USH2A: variants seen among roughly 807,000 people sequenced by gnomAD.
The protein encoded by USH2A is usherin.
USH2A carries 443 observed loss-of-function variants against 538.9 expected under a neutral mutation model. The ratio of observed to expected loss-of-function variants is 0.82; its 90% CI spans 0.76 to 0.89. USH2A has a LOEUF of 0.89. Ranked by LOEUF, USH2A falls within the 40% of genes least tolerant of loss-of-function variation. The pLI, the probability that USH2A is intolerant of heterozygous loss-of-function variation, is 0.00. For missense variants in USH2A, 6,633 were observed against 6,324.8 expected (o/e 1.05, Z -1.65); for synonymous variants, 2,413 against 2,273.5 (o/e 1.06, Z -1.75).
At chr1:215,823,889 C>G (rs550435250) in intron 47 of USH2A, among the ~76,000 whole-genome samples, 27 of 151,950 alleles carry the variant, frequency 1.8e-4, no homozygotes, top group South Asian at 1.5e-3. Context: ...ATTTCTTGAA[C>G]CATTTTAATC....
intron 47 of USH2A, among the ~76,000 whole-genome samples, chr1:215,837,436 ATTG>A (rs1467176444): frequency 6.6e-6 from 1 of 152,122 alleles, no homozygotes; most frequent in East Asian, 1.9e-4. Context: ...TATTATTATT[ATTG>A]TTGTTGTTAC....
chr1:216,093,223 A>G (rs1011486206), intron 22 of USH2A, among the ~76,000 whole-genome samples: 1 of 151,998 alleles, frequency 6.6e-6, no homozygotes, highest in Admixed American at 6.6e-5. Context: ...TCAGCCTCCC[A>G]AAGTGCTAGG....
chr1:215,737,804 A>C (rs1437322428), intron 60 of USH2A, among the ~76,000 whole-genome samples: 1 of 152,038 alleles, frequency 6.6e-6, no homozygotes, highest in African/African-American at 2.4e-5. Flanking sequence ...TAATTCAATC[A>C]GCTTAATTAT....
At chr1:216,008,859 C>G (rs1668473409) in intron 32 of USH2A, among the ~76,000 whole-genome samples, 1 of 152,164 alleles carries the variant, frequency 6.6e-6, no homozygotes, top group South Asian at 2.1e-4. Context: ...ACCCAAAACT[C>G]TGGCGCCAGT....
intron 30 of USH2A, among the ~76,000 whole-genome samples, chr1:216,058,495 A>T (rs574624888): frequency 6.7e-6 from 1 of 148,962 alleles, no homozygotes; most frequent in East Asian, 1.9e-4. Context: ...AATTATCAGC[A>T]TTGCAGCAGT....
intron 12 of USH2A, among the ~76,000 whole-genome samples, chr1:216,247,993 C>T (rs566288337): frequency 2.0e-5 from 3 of 152,236 alleles, no homozygotes; most frequent in African/African-American, 7.2e-5. Flanking sequence ...TCTGAATCCA[C>T]ACATTTAAGT....
chr1:215,624,296 T>C lies in USH2A; in HGVS notation c.*1485A>G, dbSNP rs1224437561. 1 of 152,172 alleles carries C rather than the reference T, an allele frequency of 6.6e-6. No homozygotes were observed. The highest frequency in any genetic ancestry group is 6.6e-5 in the Admixed American group (1 of 15,254). 9.4% of individuals were successfully genotyped at this position (152,172 alleles called of 1,614,324 possible). A position where few individuals can be genotyped will look rare whatever the true frequency, so the allele number is the denominator to read the frequency against. Reference sequence around the variant, plus strand: ...AGTTGGTCAGTCTGAGGAGCTGCTCTCTCACAGAGCTAGATGAAATCTCAA... The same window carrying C: ...AGTTGGTCAGTCTGAGGAGCTGCTCCCTCACAGAGCTAGATGAAATCTCAA... On this transcript the variant is annotated 3_prime_UTR_variant, in exon 72 of 72. Coordinates refer to ENST00000307340, the MANE Select transcript of USH2A (RefSeq NM_206933.4).
chr1:215,862,840 T>C (rs375335244), intron 44 of USH2A, among the ~76,000 whole-genome samples: 1 of 152,206 alleles, frequency 6.6e-6, no homozygotes, highest in East Asian at 1.9e-4. Context: ...TAGGTCGTAG[T>C]GCCAAAACAT....
intron 56 of USH2A, among the ~76,000 whole-genome samples, chr1:215,760,854 G>A (rs1212385265): frequency 6.6e-6 from 1 of 152,080 alleles, no homozygotes; most frequent in African/African-American, 2.4e-5. Context: ...TTCTAAACTT[G>A]CCTCCATGTC....
At chr1:216,175,561 A>G in intron 20 of USH2A, 79 bp from the exon 21 acceptor site, 20 of 1,287,500 alleles carry the variant, frequency 1.6e-5, no homozygotes, top group Non-Finnish European at 2.2e-5. Flanking sequence ...ATACGTATAT[A>G]TGTATTTGTA....
chr1:216,312,590 T>A (rs1041460386), intron 9 of USH2A, among the ~76,000 whole-genome samples: 1 of 152,206 alleles, frequency 6.6e-6, no homozygotes, highest in Non-Finnish European at 1.5e-5. Context: ...ATTAAAGGCA[T>A]TCTTTATTTC....
At chr1:215,801,500 C>A (rs1662332540) in intron 49 of USH2A, among the ~76,000 whole-genome samples, 1 of 149,402 alleles carries the variant, frequency 6.7e-6, no homozygotes, top group South Asian at 2.1e-4. Flanking sequence ...TAAGAATGAA[C>A]AACATGAAAA....
chr1:216,400,023 A>ATAC (rs1294316289), intron 3 of USH2A, among the ~76,000 whole-genome samples: 6 of 152,154 alleles, frequency 3.9e-5, no homozygotes, highest in Non-Finnish European at 1.5e-5. Flanking sequence ...ATCACTTGTC[A>ATAC]TACTAAGAAC....
intron 68 of USH2A, among the ~76,000 whole-genome samples, chr1:215,639,932 AG>A (rs551573353): frequency 6.6e-6 from 1 of 152,258 alleles, no homozygotes; most frequent in Non-Finnish European, 1.5e-5. Flanking sequence ...TTCATTATAT[AG>A]TGAACATTGG....
intron 70 of USH2A, among the ~76,000 whole-genome samples, chr1:215,630,482 G>GTATATATA (rs1158726890): frequency 2.7e-4 from 6 of 22,542 alleles, no homozygotes; most frequent in African/African-American, 3.9e-4. Flanking sequence ...ATGTGTGTGT[G>GTATATATA]TATATATATA....
intron 47 of USH2A, among the ~76,000 whole-genome samples, chr1:215,821,142 T>C (rs1285151308): frequency 6.6e-6 from 1 of 151,872 alleles, no homozygotes; most frequent in Non-Finnish European, 1.5e-5. Flanking sequence ...GTTCAATTTT[T>C]AGTTTCATGA....
intron 11 of USH2A, among the ~76,000 whole-genome samples, chr1:216,272,358 GT>G (rs1325176895): frequency 2.0e-5 from 3 of 151,974 alleles, no homozygotes; most frequent in Non-Finnish European, 4.4e-5. Flanking sequence ...GGTAATTTGT[GT>G]TTTTGATGTT....
At chr1:216,041,043 T>C (rs1230847806) in intron 32 of USH2A, among the ~76,000 whole-genome samples, 1 of 152,078 alleles carries the variant, frequency 6.6e-6, no homozygotes, top group Non-Finnish European at 1.5e-5. Flanking sequence ...TAATACATAA[T>C]GTGGTAGTTT....
chr1:215,711,860 T>C (rs1167457930), intron 61 of USH2A, among the ~76,000 whole-genome samples: 1 of 152,202 alleles, frequency 6.6e-6, no homozygotes. Flanking sequence ...TTCCCTCCCT[T>C]TGCTCCATTC....
Sources: gnomAD v4.1 joint callset for allele counts (sites outside exome capture counted in the v4.1 genomes callset) on GRCh38, gnomAD v4.1.1 for gene constraint, MANE v1.5 for transcripts, NCBI Gene and HGNC (gene_info 2026-07-23, HGNC 2026-07-21) for gene names.